The following TSPAN15 variants were observed in gnomAD, a reference collection of about 807,000 sequenced individuals.
TSPAN15 encodes tetraspanin 15.
A neutral mutation model predicts 34.5 loss-of-function variants in TSPAN15; 20 were observed. The ratio of observed to expected loss-of-function variants is 0.58; its 90% CI spans 0.41 to 0.84. The LOEUF (loss-of-function observed/expected upper bound fraction) is 0.84. TSPAN15 is among the 40% of genes least tolerant of loss of function. The pLI is 0.00. For missense variants in TSPAN15, 313 were observed against 386.1 expected, an observed-to-expected ratio of 0.81 and a Z score of 1.59; for synonymous variants, 155 against 153.9, an observed-to-expected ratio of 1.01 and a Z score of -0.05.
chr10:69,507,714 A>G (rs1842366337), downstream of TSPAN15: 7 of 1,180,698 alleles, frequency 5.9e-6, no homozygotes, highest in South Asian at 1.5e-5. Flanking sequence ...GGGGTAAGGA[A>G]GGCTGCAACC....
the TSPAN15 span, among the ~76,000 whole-genome samples, chr10:69,520,516 C>T: frequency 4.6e-5 from 7 of 152,118 alleles, no homozygotes; most frequent in East Asian, 1.9e-4. Context: ...AATTAGCAGG[C>T]GTGGTGGCAT....
At chr10:69,523,734 C>T in the TSPAN15 span, 94,035 of 172,960 alleles carry the variant, frequency 0.54, 29,020 homozygotes, top group African/African-American at 0.63. Context: ...GTTTTATTTC[C>T]GGGCTCTGTA....
downstream of TSPAN15, among the ~76,000 whole-genome samples, chr10:69,511,435 T>C (rs568517463): frequency 6.6e-6 from 1 of 152,298 alleles, no homozygotes; most frequent in Non-Finnish European, 1.5e-5. Context: ...CCTTTTATCA[T>C]TTTTTATTGT....
At chr10:69,464,165 CCAGACACCTTGGCCTCT>C (rs1841331563) in intron 1 of TSPAN15, among the ~76,000 whole-genome samples, 2 of 152,220 alleles carry the variant, frequency 1.3e-5, no homozygotes, top group Non-Finnish European at 2.9e-5. Flanking sequence ...GTATGGCTCA[CCAGACACCTTGGCCTCT>C]GGCCTCCAGA....
chr10:69,499,225 A>G (rs1842152258), intron 5 of TSPAN15, among the ~76,000 whole-genome samples: 1 of 152,204 alleles, frequency 6.6e-6, no homozygotes. Context: ...AGTCATGGAA[A>G]GTTTTTCTCC....
intron 1 of TSPAN15, among the ~76,000 whole-genome samples, chr10:69,477,038 G>A (rs755684970): frequency 1.1e-4 from 16 of 152,160 alleles, no homozygotes; most frequent in Non-Finnish European, 1.8e-4. Context: ...GAACCCAGCT[G>A]CCCTGGGGAT....
chr10:69,459,411 G>C (rs1018433996), intron 1 of TSPAN15, among the ~76,000 whole-genome samples: 4 of 152,188 alleles, frequency 2.6e-5, no homozygotes, highest in African/African-American at 9.7e-5. Context: ...GAGAAAATTA[G>C]GGAGCAAGTG....
At chr10:69,544,942 G>T in the TSPAN15 span, among the ~76,000 whole-genome samples, 1 of 152,154 alleles carries the variant, frequency 6.6e-6, no homozygotes, top group Non-Finnish European at 1.5e-5. Context: ...CCCCTTTGTG[G>T]CTCCCACGCC....
At chr10:69,480,438 A>G (rs1341337199) in intron 1 of TSPAN15, among the ~76,000 whole-genome samples, 2 of 152,198 alleles carry the variant, frequency 1.3e-5, no homozygotes, top group East Asian at 1.9e-4. Context: ...CGACAGGGTG[A>G]GAATTACGCT....
At chr10:69,498,195 C>A in intron 4 of TSPAN15, 85 bp from the exon 5 acceptor site, 1 of 1,233,318 alleles carries the variant, frequency 8.1e-7, no homozygotes, top group South Asian at 1.2e-5. Context: ...TAAACTGCCT[C>A]CGTCTCCTGA....
chr10:69,491,323 G>A (rs936857829), intron 3 of TSPAN15, among the ~76,000 whole-genome samples: 5 of 152,206 alleles, frequency 3.3e-5, no homozygotes, highest in African/African-American at 7.2e-5. Context: ...GGCTCCAGGC[G>A]CAAATGAAGG....
At chr10:69,537,846 G>A in the TSPAN15 span, among the ~76,000 whole-genome samples, 1 of 151,940 alleles carries the variant, frequency 6.6e-6, no homozygotes, top group Admixed American at 6.6e-5. Context: ...TCCTGAGGGT[G>A]GGGACTGGGA....
chr10:69,466,874 A>G (rs567124677), intron 1 of TSPAN15, among the ~76,000 whole-genome samples: 49 of 152,300 alleles, frequency 3.2e-4, no homozygotes, highest in African/African-American at 2.2e-4. Flanking sequence ...TTATATTCCC[A>G]TGTCACAGTG....
At chr10:69,508,255 A>G (rs1842376524), downstream of TSPAN15, among the ~76,000 whole-genome samples, 1 of 151,672 alleles carries the variant, frequency 6.6e-6, no homozygotes, top group Admixed American at 6.6e-5. Context: ...AGCCTGACCA[A>G]CATAGTGAAA....
chr10:69,466,100 G>A (rs79018942), intron 1 of TSPAN15, among the ~76,000 whole-genome samples: 3,135 of 152,344 alleles, frequency 0.021, 55 homozygotes, highest in Non-Finnish European at 0.033. Flanking sequence ...TGGCTCTCTG[G>A]AGCTGCAGGA....
chr10:69,520,795 C>T, the TSPAN15 span, among the ~76,000 whole-genome samples: 5 of 152,200 alleles, frequency 3.3e-5, no homozygotes, highest in Non-Finnish European at 7.3e-5. Context: ...TTACAAATAT[C>T]TGTTTGAGTT....
intron 3 of TSPAN15, among the ~76,000 whole-genome samples, chr10:69,486,904 C>T (rs977177827): frequency 1.3e-5 from 2 of 152,238 alleles, no homozygotes; most frequent in African/African-American, 4.8e-5. Context: ...TTCCTCTTTT[C>T]TACCTGCCCC....
chr10:69,518,646 A>G, the TSPAN15 span, among the ~76,000 whole-genome samples: 1 of 152,002 alleles, frequency 6.6e-6, no homozygotes, highest in Non-Finnish European at 1.5e-5. Flanking sequence ...CTGGTCTCGA[A>G]CTCCTGACCT....
At chr10:69,518,717 C>T in the TSPAN15 span, among the ~76,000 whole-genome samples, 48 of 152,276 alleles carry the variant, frequency 3.2e-4, no homozygotes, top group African/African-American at 1.1e-3. Flanking sequence ...CCACCGCACC[C>T]GGCCATAAAC....
Sources: gnomAD v4.1 joint callset for allele counts (sites outside exome capture counted in the v4.1 genomes callset) on GRCh38, gnomAD v4.1.1 for gene constraint, MANE v1.5 for transcripts, NCBI Gene and HGNC (gene_info 2026-07-23, HGNC 2026-07-21) for gene names.